The following PCDHB6 variants were observed in gnomAD, a reference collection of about 807,000 sequenced individuals.
PCDHB6 encodes protocadherin beta 6.
For synonymous variants in PCDHB6, 506 were observed against 459.0 expected, an observed-to-expected ratio of 1.10 and a Z score of -1.31; for missense variants, 1,137 against 1,010.1, an observed-to-expected ratio of 1.13 and a Z score of -1.70.
rs1554277713 is a variant in PCDHB6 at position 141,151,515 on chromosome 5, A to G, written c.1258A>G (p.Thr420Ala). Residue 420 changes from threonine to alanine, a missense_variant, in exon 1 of 1, where the codon ACG becomes GCG. Thr to Ala is a moderately conservative substitution (Grantham distance 58, BLOSUM62 0). Coordinates refer to ENST00000231136, the MANE Select transcript of PCDHB6 (RefSeq NM_018939.4). ...CAGAGCCGAGTACAACATCACTATC[A>G]CGGTCACTGATTTGGGGACACCAAG... The part of the protein sequence containing the change: ...ESRAEYNITI[T>A]VTDLGTPRLK... The G allele has an allele frequency of 6.2e-7, 1 of 1,614,098 alleles. No individual in the cohort carries two copies. The highest frequency in any genetic ancestry group is 2.2e-5 in the East Asian group (1 of 44,864).
At position 141,152,318 on chromosome 5, in the gene PCDHB6, C is replaced by A. The variant is rs372749168; in HGVS notation, c.2061C>A (p.Tyr687Ter). ...AQAQADSLTV[Y>*]LVVALASVSS... ...CCCAGGCCGACTCTCTCACCGTCTA[C>A]CTGGTGGTGGCGTTGGCCTCGGTGT... The change falls in exon 1 of 1, where the codon TAC (tyrosine) becomes TAA (stop). Residue 687 changes from tyrosine to a stop codon, truncating the protein, a stop_gained. Transcript: ENST00000231136. LOFTEE classifies it low-confidence loss of function (END_TRUNC). 5 of 1,609,352 alleles carry A rather than the reference C, an allele frequency of 3.1e-6. No homozygotes were observed. The highest frequency in any genetic ancestry group is 2.2e-5 in the East Asian group (1 of 44,872).
In PCDHB6 at chr5:141,152,453, G is replaced by T; in HGVS notation, c.2196G>T (p.Gly732=). The change falls in exon 1 of 1, where the codon GGG becomes GGT. Residue 732 remains glycine (G), a synonymous_variant. Coordinates refer to ENST00000231136, the MANE Select transcript of PCDHB6 (RefSeq NM_018939.4). Reference sequence around the variant, plus strand: ...CGGTGCCCGAGGGTCCCTTTCCAGGGCATCTGGTGGATGTGAGCGGCACCG... The same window carrying T: ...CGGTGCCCGAGGGTCCCTTTCCAGGTCATCTGGTGGATGTGAGCGGCACCG... ...RYSVPEGPFP[G]HLVDVSGTGT... 1.9e-6 allele frequency: 3 copies of T among 1,614,102 alleles called. No homozygotes were observed. The highest frequency in any genetic ancestry group is 2.5e-6 in the Non-Finnish European group (3 of 1,180,042).
Position 141,150,122 on chromosome 5 carries a change from C to T in PCDHB6, c.-136C>T. On this transcript the variant is annotated 5_prime_UTR_variant, in exon 1 of 1. Coordinates refer to ENST00000231136, the MANE Select transcript of PCDHB6 (RefSeq NM_018939.4). ...CAGCTAAAGCTGAGATAGATGTGTC[C>T]GGGAAGGCAGTCGTCGCCAGACAAG... 3.0e-6 allele frequency: 2 copies of T among 665,756 alleles called. No individual in the cohort carries two copies. The highest frequency in any genetic ancestry group is 3.9e-5 in the South Asian group (2 of 51,010). 41.2% of individuals were successfully genotyped at this position (665,756 alleles called of 1,614,324 possible).
In PCDHB6 at chr5:141,152,117, C is replaced by T; in HGVS notation, c.1860C>T (p.Gly620=). 1 of 1,607,096 alleles carries T rather than the reference C, an allele frequency of 6.2e-7. No homozygotes were observed. The highest frequency in any genetic ancestry group is 1.1e-5 in the South Asian group (1 of 90,976). ...LGLFGVWAHN[G]EVRTARLLSE... is the part of the protein sequence containing the mutation. Reference sequence around the variant, plus strand: ...TGTTCGGCGTGTGGGCGCACAATGGCGAGGTGCGCACCGCCAGGCTGCTGA... The same window carrying T: ...TGTTCGGCGTGTGGGCGCACAATGGTGAGGTGCGCACCGCCAGGCTGCTGA... The change falls in exon 1 of 1, where the codon GGC becomes GGT. Residue 620 remains glycine (G), a synonymous_variant. Transcript: ENST00000231136.
Position 141,151,497 on chromosome 5 carries a change from G to T in PCDHB6, c.1240G>T (p.Glu414Ter), listed in dbSNP as rs1417569357. 8 of 1,614,178 alleles carry T rather than the reference G, an allele frequency of 5.0e-6. No homozygotes were observed. The highest frequency in any genetic ancestry group is 6.8e-6 in the Non-Finnish European group (8 of 1,180,028). ...CGCGCTGGACAGAGAGAGCAGAGCC[G>T]AGTACAACATCACTATCACGGTCAC... ...EGALDRESRA[E>*]YNITITVTDL... The change falls in exon 1 of 1, where the codon GAG (glutamate) becomes TAG (stop). Residue 414 changes from glutamate to a stop codon, truncating the protein, a stop_gained. Transcript: ENST00000231136. LOFTEE classifies it low-confidence loss of function (END_TRUNC).
Position 141,152,562 on chromosome 5 carries a change from A to G in PCDHB6, c.2305A>G (p.Met769Val). ...TGAGTTCAAGTTCCTGAAGCCGATTATGCCCAACTTCCCTCCTCAGGGCAC... is the reference window on the plus strand; with the variant it reads ...TGAGTTCAAGTTCCTGAAGCCGATTGTGCCCAACTTCCCTCCTCAGGGCAC... Reference protein sequence around the residue: ...TNEFKFLKPIMPNFPPQGTER... With the variant: ...TNEFKFLKPIVPNFPPQGTER... The change falls in exon 1 of 1, where the codon ATG (methionine) becomes GTG (valine). Residue 769 changes from methionine to valine, a missense_variant. By Grantham distance (21) the Met-to-Val change is conservative. Coordinates refer to ENST00000231136, the MANE Select transcript of PCDHB6 (RefSeq NM_018939.4). The G allele has an allele frequency of 6.2e-7, 1 of 1,613,972 alleles. No homozygotes were observed. The highest frequency in any genetic ancestry group is 8.5e-7 in the Non-Finnish European group (1 of 1,180,026).
In PCDHB6 at chr5:141,152,201, T is replaced by C; in HGVS notation, c.1944T>C (p.Pro648=). 6.2e-7 allele frequency: 1 copy of C among 1,606,960 alleles called. No homozygotes were observed. The highest frequency in any genetic ancestry group is 8.5e-7 in the Non-Finnish European group (1 of 1,179,696). Residue 648 remains proline (P), a synonymous_variant, in exon 1 of 1, where the codon CCT becomes CCC. Transcript: ENST00000231136. ...TGCTTGTCAAGGACAATGGCGAGCC[T>C]CCGCGCTCGGCCACCGCCACGCTGC... is the stretch of plus-strand genomic sequence containing the variant. ...LVVLVKDNGE[P]PRSATATLHV...
In PCDHB6 at chr5:141,151,496, C is replaced by A. The variant is rs782370478; in HGVS notation, c.1239C>A (p.Ala413=). Residue 413 remains alanine, a synonymous_variant, in exon 1 of 1, where the codon GCC becomes GCA. Transcript: ENST00000231136. ...TEGALDRESR[A]EYNITITVTD... ...GCGCGCTGGACAGAGAGAGCAGAGC[C>A]GAGTACAACATCACTATCACGGTCA... 1.9e-6 allele frequency: 3 copies of A among 1,613,986 alleles called. No homozygotes were observed. The African/African-American group carries it at 4.0e-5, about 22-fold the overall frequency.
At position 141,152,901 on chromosome 5, in the gene PCDHB6, C is replaced by CCT. The variant is rs2149643061; in HGVS notation, c.*260_*261insTC. The CCT allele has an allele frequency of 4.2e-6, 1 of 240,490 alleles. No individual in the cohort carries two copies. The highest frequency in any genetic ancestry group is 5.4e-5 in the Admixed American group (1 of 18,474). The allele number at this position is 240,490 out of a possible 1,614,324, so 14.9% of individuals were successfully genotyped here. On this transcript the variant is annotated 3_prime_UTR_variant, in exon 1 of 1. Coordinates refer to ENST00000231136, the MANE Select transcript of PCDHB6 (RefSeq NM_018939.4). ...TGAAATTAAATTATCTATTCTTCCC[C>CCT]CCCCCAAAAAAAAGTATTGTAAATC...
Position 141,150,742 on chromosome 5 carries a change from G to A in PCDHB6, c.485G>A (p.Gly162Asp). The A allele has an allele frequency of 1.2e-6, 2 of 1,614,144 alleles. No individual in the cohort carries two copies. Among genetic ancestry groups the A allele is most frequent in the Non-Finnish European group, 1.7e-6 (2 of 1,180,022 alleles). The change falls in exon 1 of 1, where the codon GGC becomes GAC. Residue 162 changes from glycine to aspartate, a missense_variant. Gly to Asp is a moderately conservative substitution (Grantham distance 94). Transcript: ENST00000231136. ...PLKMAHDLDTGSNGLQRYTIS... is the reference protein window; with the variant it reads ...PLKMAHDLDTDSNGLQRYTIS... ...AAAATGGCACACGATTTAGACACCGGCAGCAACGGCCTTCAGAGGTACACA... is the reference window on the plus strand; with the variant it reads ...AAAATGGCACACGATTTAGACACCGACAGCAACGGCCTTCAGAGGTACACA...
In PCDHB6 at chr5:141,153,096, A is replaced by G. The variant is rs1379168794; in HGVS notation, c.*454A>G. On this transcript the variant is annotated 3_prime_UTR_variant, in exon 1 of 1. Coordinates refer to ENST00000231136, the MANE Select transcript of PCDHB6 (RefSeq NM_018939.4). ...TAAGAACTAATGATGGCTAAACACTAAAGTAGCCATTCATACTTATGCATA... is the reference window on the plus strand; with the variant it reads ...TAAGAACTAATGATGGCTAAACACTGAAGTAGCCATTCATACTTATGCATA... The G allele has an allele frequency of 2.4e-5, 4 of 167,436 alleles. No individual in the cohort carries two copies. The highest frequency in any genetic ancestry group is 9.7e-5 in the African/African-American group (4 of 41,358). The allele number at this position is 167,436 out of a possible 1,614,324, so 10.4% of individuals were successfully genotyped here. A position where few individuals can be genotyped will look rare whatever the true frequency, so the allele number is the denominator to read the frequency against.
chr5:141,151,043 C>A lies in PCDHB6; in HGVS notation c.786C>A (p.Thr262=), dbSNP rs938680596. The change falls in exon 1 of 1, where the codon ACC becomes ACA. Residue 262 remains threonine, a synonymous_variant. Coordinates refer to ENST00000231136, the MANE Select transcript of PCDHB6 (RefSeq NM_018939.4). The part of the protein sequence containing the change: ...ENNPLGSLVI[T]VSARDLDAGS... ...ACCCCCTCGGCTCTCTGGTTATTAC[C>A]GTCTCAGCCAGAGATTTAGATGCAG... 6 of 1,614,230 alleles carry A rather than the reference C, an allele frequency of 3.7e-6. No individual in the cohort carries two copies. The highest frequency in any genetic ancestry group is 5.1e-6 in the Non-Finnish European group (6 of 1,180,038).
rs1752849491 is a variant in PCDHB6 at position 141,151,156 on chromosome 5, G to A, written c.899G>A (p.Arg300Gln). 3.7e-6 allele frequency: 6 copies of A among 1,614,154 alleles called. No homozygotes were observed. Among genetic ancestry groups the A allele is most frequent in the Non-Finnish European group, 5.1e-6 (6 of 1,180,034 alleles). The change falls in exon 1 of 1, where the codon CGG becomes CAG. Residue 300 changes from arginine to glutamine, a missense_variant. By Grantham distance (43) the Arg-to-Gln change is conservative. Transcript: ENST00000231136. ...ATAAACGCAATCACAGGAGAAATTC[G>A]GCTGAGAAAGGCTTTGGATTTTGAG... ...FEINAITGEI[R>Q]LRKALDFEEI...
chr5:141,151,849 C>A lies in PCDHB6; in HGVS notation c.1592C>A (p.Ala531Asp). The A allele has an allele frequency of 6.2e-7, 1 of 1,612,464 alleles. No individual in the cohort carries two copies. The highest frequency in any genetic ancestry group is 1.1e-5 in the South Asian group (1 of 90,994). Residue 531 changes from alanine to aspartate, a missense_variant, in exon 1 of 1, where the codon GCC (alanine) becomes GAC (aspartate). Coordinates refer to ENST00000231136, the MANE Select transcript of PCDHB6 (RefSeq NM_018939.4). ...ALQSFEFRVGATDRGSPALSS... is the reference protein window; with the variant it reads ...ALQSFEFRVGDTDRGSPALSS... Reference sequence around the variant, plus strand: ...CAGTCTTTCGAGTTCCGCGTGGGCGCCACAGACCGCGGCTCCCCGGCGTTG... The same window carrying A: ...CAGTCTTTCGAGTTCCGCGTGGGCGACACAGACCGCGGCTCCCCGGCGTTG...
rs782309702 is a variant in PCDHB6, at chr5:141,152,117, C to G, written c.1860C>G (p.Gly620=). ...TGTTCGGCGTGTGGGCGCACAATGG[C>G]GAGGTGCGCACCGCCAGGCTGCTGA... ...LGLFGVWAHN[G]EVRTARLLSE... is the part of the protein sequence containing the mutation. Residue 620 remains glycine, a synonymous_variant, in exon 1 of 1, where the codon GGC becomes GGG. Coordinates refer to ENST00000231136, the MANE Select transcript of PCDHB6 (RefSeq NM_018939.4). 4.5e-5 allele frequency: 72 copies of G among 1,606,978 alleles called. No individual in the cohort carries two copies. In the Middle Eastern group the frequency reaches 6.7e-4, roughly 15 times the overall value.
Position 141,150,875 on chromosome 5 carries a change from A to C in PCDHB6, c.618A>C (p.Gln206His), listed in dbSNP as rs147648438. The stretch of plus-strand genomic sequence containing the variant: ...CGTTGGACCGCGAGGAGCAGCCCCA[A>C]CTCAGGCTAACGCTGATCGCGCTGG... Reference protein sequence around the residue: ...DKPLDREEQPQLRLTLIALDG... With the variant: ...DKPLDREEQPHLRLTLIALDG... Residue 206 changes from glutamine to histidine, a missense_variant, in exon 1 of 1, where the codon CAA becomes CAC. Coordinates refer to ENST00000231136, the MANE Select transcript of PCDHB6 (RefSeq NM_018939.4). 6.2e-7 allele frequency: 1 copy of C among 1,614,014 alleles called. No individual in the cohort carries two copies. Among genetic ancestry groups the C allele is most frequent in the African/African-American group, 1.3e-5 (1 of 74,898 alleles).
At position 141,151,675 on chromosome 5, in the gene PCDHB6, C is replaced by T. The variant is rs147347959; in HGVS notation, c.1418C>T (p.Ala473Val). Residue 473 changes from alanine to valine, a missense_variant, in exon 1 of 1, where the codon GCC becomes GTC. Ala to Val is a moderately conservative substitution (Grantham distance 64). Coordinates refer to ENST00000231136, the MANE Select transcript of PCDHB6 (RefSeq NM_018939.4). ...SPALHIGSVS[A>V]TDRDSGINAQ... ...GCCCTGCACATCGGCAGCGTCAGCG[C>T]CACAGACAGAGACTCAGGCATCAAC... 530 of 1,613,208 alleles carry T rather than the reference C, an allele frequency of 3.3e-4. 3 individuals carry two copies. Among genetic ancestry groups the T allele is most frequent in the Middle Eastern group, 3.7e-4 (2 of 5,358 alleles).
Position 141,150,164 on chromosome 5 carries a change from A to T in PCDHB6, c.-94A>T. On this transcript the variant is annotated 5_prime_UTR_variant, in exon 1 of 1. Transcript: ENST00000231136. ...CCAGACAAGTTGTAAGAACGAATTTAAAAATCTCTGCAAAGACATCCGAGA... is the reference window on the plus strand; with the variant it reads ...CCAGACAAGTTGTAAGAACGAATTTTAAAATCTCTGCAAAGACATCCGAGA... 1 of 987,926 alleles carries T rather than the reference A, an allele frequency of 1.0e-6. No individual in the cohort carries two copies. The highest frequency in any genetic ancestry group is 1.5e-6 in the Non-Finnish European group (1 of 666,320). The allele number at this position is 987,926 out of a possible 1,614,324, so 61.2% of individuals were successfully genotyped here. A position where few individuals can be genotyped will look rare whatever the true frequency, so the allele number is the denominator to read the frequency against.
chr5:141,153,112 C>T lies in PCDHB6; in HGVS notation c.*470C>T, dbSNP rs967306870. On this transcript the variant is annotated 3_prime_UTR_variant, in exon 1 of 1. Coordinates refer to ENST00000231136, the MANE Select transcript of PCDHB6 (RefSeq NM_018939.4). ...CTAAACACTAAAGTAGCCATTCATACTTATGCATATTTTAGTATCCCATAA... is the reference window on the plus strand; with the variant it reads ...CTAAACACTAAAGTAGCCATTCATATTTATGCATATTTTAGTATCCCATAA... The T allele has an allele frequency of 1.8e-5, 3 of 167,162 alleles. No individual in the cohort carries two copies. The highest frequency in any genetic ancestry group is 7.3e-5 in the African/African-American group (3 of 41,318). The allele number at this position is 167,162 out of a possible 1,614,324, so 10.4% of individuals were successfully genotyped here. A position where few individuals can be genotyped will look rare whatever the true frequency, so the allele number is the denominator to read the frequency against.
Sources: gnomAD v4.1 joint callset for allele counts on GRCh38, gnomAD v4.1.1 for gene constraint, MANE v1.5 for transcripts, NCBI Gene and HGNC (gene_info 2026-07-23, HGNC 2026-07-21) for gene names.